Variants in C16orf96 observed in about 807,000 individuals in gnomAD.
C16orf96 encodes the protein uncharacterized protein C16orf96.
C16orf96 carries 108 observed loss-of-function variants against 103.6 expected under a neutral mutation model. The observed-to-expected ratio is 1.04, with a 90% CI of 0.89 to 1.22. C16orf96 has a LOEUF of 1.22. Ranked by LOEUF, C16orf96 falls within the 50% of genes most tolerant of loss-of-function variation. The probability of loss-of-function intolerance (pLI) is 0.00; values close to 1 mark genes in which losing one functional copy is unlikely to be tolerated. For missense variants in C16orf96, 1,586 were observed against 1,464.2 expected, an observed-to-expected ratio of 1.08 and a Z score of -1.36; for synonymous variants, 566 against 593.5, an observed-to-expected ratio of 0.95 and a Z score of 0.67.
Position 4,594,690 on chromosome 16 carries a change from G to A in C16orf96, c.3028-14G>A, listed in dbSNP as rs1177419196. ...TCGGGGGCTCCCTAACCCGGGACCT[G>A]GGCCATCCAACAGGCCGAGGTGGAC... is the stretch of plus-strand genomic sequence containing the variant. On this transcript the variant is annotated splice_polypyrimidine_tract_variant and intron_variant, in intron 13 of 15. Transcript: ENST00000444310. 1 of 1,550,886 alleles carries A rather than the reference G, an allele frequency of 6.4e-7. No individual in the cohort carries two copies. Among genetic ancestry groups the A allele is most frequent in the African/African-American group, 1.4e-5 (1 of 73,054 alleles).
chr16:4,560,687 C>T (rs1292699544), intron 1 of C16orf96: 3 of 152,050 alleles, frequency 2.0e-5, no homozygotes, highest in African/African-American at 7.3e-5. Context: ...GTGGCATGCA[C>T]CTGTAATCTC....
At chr16:4,562,355 T>G (rs1054935923) in intron 1 of C16orf96, among the ~76,000 whole-genome samples, 2 of 151,534 alleles carry the variant, frequency 1.3e-5, no homozygotes, top group Non-Finnish European at 2.9e-5. Flanking sequence ...GCACCTGTAG[T>G]CCCAGGTACT....
Position 4,576,122 on chromosome 16 carries a change from G to T in C16orf96, c.1642G>T (p.Ala548Ser). The T allele has an allele frequency of 1.3e-6, 2 of 1,551,522 alleles. No individual in the cohort carries two copies. The highest frequency in any genetic ancestry group is 2.4e-5 in the South Asian group (2 of 84,056). The change falls in exon 5 of 16, where the codon GCC (alanine) becomes TCC (serine). Residue 548 changes from alanine (A) to serine (S), a missense_variant. Coordinates refer to ENST00000444310, the MANE Select transcript of C16orf96 (RefSeq NM_001145011.2). ...DPKDRVGKDGAPKEAQPKAPQ... is the reference protein window; with the variant it reads ...DPKDRVGKDGSPKEAQPKAPQ... ...CAAGGATAGAGTTGGCAAGGATGGG[G>T]CCCCCAAGGAAGCACAGCCTAAGGC...
intron 7 of C16orf96, among the ~76,000 whole-genome samples, chr16:4,584,365 T>TTTTTTTTTTTTTTTA (rs1896866794): frequency 1.4e-5 from 2 of 144,928 alleles, no homozygotes; most frequent in East Asian, 2.0e-4. Context: ...TTTTTTTTTT[T>TTTTTTTTTTTTTTTA]GAGATACAGT....
rs934385567 is a variant in C16orf96, at chr16:4,576,191, G to A, written c.1711G>A (p.Ala571Thr). Residue 571 changes from alanine (A) to threonine (T), a missense_variant, in exon 5 of 16, where the codon GCC becomes ACC. Ala to Thr is a moderately conservative substitution (Grantham distance 58, BLOSUM62 0). Transcript: ENST00000444310. ...CCGGCTGAAAACCACCGCTGCCATCGCCGCCGCTGCCGCCGCAGCCTACGC... is the reference window on the plus strand; with the variant it reads ...CCGGCTGAAAACCACCGCTGCCATCACCGCCGCTGCCGCCGCAGCCTACGC... ...LHRLKTTAAI[A>T]AAAAAAYAAA... The A allele has an allele frequency of 3.7e-5, 57 of 1,550,192 alleles. No individual in the cohort carries two copies. The Admixed American group carries it at 8.8e-4, about 24-fold the overall frequency.
upstream of C16orf96, among the ~76,000 whole-genome samples, chr16:4,555,781 C>G (rs996273448): frequency 7.9e-5 from 12 of 151,172 alleles, no homozygotes; most frequent in Admixed American, 4.6e-4. Context: ...ACTGTAGCCT[C>G]AAACTCCTGG....
chr16:4,550,909 C>G, the C16orf96 span, among the ~76,000 whole-genome samples: 1 of 152,228 alleles, frequency 6.6e-6, no homozygotes, highest in African/African-American at 2.4e-5. Flanking sequence ...CAGCAAAACC[C>G]AAATGGAATC....
At chr16:4,552,407 A>G (rs2059233621), upstream of C16orf96, among the ~76,000 whole-genome samples, 1 of 148,406 alleles carries the variant, frequency 6.7e-6, no homozygotes, top group South Asian at 2.2e-4. Flanking sequence ...GCTTGAACCC[A>G]GGAGATGGAG....
the C16orf96 span, among the ~76,000 whole-genome samples, chr16:4,546,970 T>C: frequency 8.6e-5 from 12 of 138,842 alleles, no homozygotes; most frequent in East Asian, 2.4e-3. Context: ...TTTTCCTTTT[T>C]GTGGAGAATA....
At chr16:4,578,903 C>T in intron 5 of C16orf96, 37 bp from the exon 6 acceptor site, 1 of 1,504,320 alleles carries the variant, frequency 6.6e-7, no homozygotes, top group Non-Finnish European at 9.1e-7. Context: ...CTTCCTCCAT[C>T]CGAGCCCTCA....
At chr16:4,542,639 A>G in the C16orf96 span, among the ~76,000 whole-genome samples, 1 of 152,026 alleles carries the variant, frequency 6.6e-6, no homozygotes, top group South Asian at 2.1e-4. Flanking sequence ...TCTACTAAAA[A>G]TACAAAAAAT....
At chr16:4,594,892 C>G in intron 14 of C16orf96, 89 bp downstream of exon 14, 1 of 1,357,828 alleles carries the variant, frequency 7.4e-7, no homozygotes, top group South Asian at 1.3e-5. Flanking sequence ...GGCCCAGAGC[C>G]AGCACTATCC....
chr16:4,572,539 G>C (rs1055611325), intron 2 of C16orf96, among the ~76,000 whole-genome samples: 3 of 151,818 alleles, frequency 2.0e-5, no homozygotes, highest in Non-Finnish European at 4.4e-5. Flanking sequence ...CTGACCTCTT[G>C]ATCCGCCCGC....
intron 14 of C16orf96, among the ~76,000 whole-genome samples, chr16:4,597,560 T>C (rs1166831900): frequency 7.1e-6 from 1 of 141,492 alleles, no homozygotes; most frequent in Non-Finnish European, 1.5e-5. Flanking sequence ...CTGCTTCATC[T>C]TTTTTTTTTT....
At chr16:4,570,120 T>C (rs2059421876) in intron 1 of C16orf96, among the ~76,000 whole-genome samples, 1 of 152,204 alleles carries the variant, frequency 6.6e-6, no homozygotes, top group Non-Finnish European at 1.5e-5. Flanking sequence ...TTTTATTTTA[T>C]TTTTGAATTA....
At chr16:4,557,327 G>C (rs762592231) in intron 1 of C16orf96, among the ~76,000 whole-genome samples, 3 of 152,096 alleles carry the variant, frequency 2.0e-5, no homozygotes, top group Non-Finnish European at 4.4e-5. Context: ...CTTATGCAGA[G>C]TGGGAAGAAG....
chr16:4,570,224 C>T (rs138409237), intron 1 of C16orf96, among the ~76,000 whole-genome samples: 47 of 152,218 alleles, frequency 3.1e-4, no homozygotes, highest in African/African-American at 1.0e-3. Flanking sequence ...GCTGATAATT[C>T]GGAATAAATT....
chr16:4,567,692 C>CTTTTTT lies in C16orf96; in HGVS notation c.421-3849_421-3844dup, dbSNP rs60143866. Among the ~76,000 whole-genome samples the CTTTTTT allele has an allele frequency of 7.4e-4, 33 of 44,546 alleles. 1 individual carries two copies. The highest frequency in any genetic ancestry group is 2.0e-3 in the African/African-American group (23 of 11,604). The allele number at this position is 44,546 out of a possible 152,430, so 29.2% of individuals were successfully genotyped here. A position where few individuals can be genotyped will look rare whatever the true frequency, so the allele number is the denominator to read the frequency against. On this transcript the variant is annotated intron_variant, in intron 1 of 15. Coordinates refer to ENST00000444310, the MANE Select transcript of C16orf96 (RefSeq NM_001145011.2). ...AATTTTCAATAGTTTCTTCTGTTGC[C>CTTTTTT]TTTTTTTTTTTTTTTTTTTTTTTTT...
the C16orf96 span, among the ~76,000 whole-genome samples, chr16:4,548,904 C>T: frequency 4.7e-5 from 7 of 148,872 alleles, no homozygotes; most frequent in Non-Finnish European, 8.9e-5. Flanking sequence ...AAAGTGGGAG[C>T]TCTTCCACTT....
Sources: gnomAD v4.1 joint callset for allele counts (sites outside exome capture counted in the v4.1 genomes callset) on GRCh38, gnomAD v4.1.1 for gene constraint, MANE v1.5 for transcripts, NCBI Gene and HGNC (gene_info 2026-07-23, HGNC 2026-07-21) for gene names.